Variants in PKIA observed in about 807,000 individuals in gnomAD.
PKIA encodes PKI-alpha.
A neutral mutation model predicts 7.6 loss-of-function variants in PKIA; 4 were observed. That is an observed-to-expected ratio of 0.52 (90% CI 0.26 to 1.20). PKIA has a LOEUF of 1.20. Among genes scored for constraint, PKIA ranks in the 50% most tolerant of loss-of-function variants. The probability of loss-of-function intolerance (pLI) is 0.13; values close to 1 mark genes in which losing one functional copy is unlikely to be tolerated. For synonymous variants in PKIA, 21 were observed against 30.7 expected, an observed-to-expected ratio of 0.68 and a Z score of 1.04; for missense variants, 73 against 86.2, an observed-to-expected ratio of 0.85 and a Z score of 0.61.
chr8:78,581,773 A>AT (rs1807814366), intron 2 of PKIA, among the ~76,000 whole-genome samples: 1 of 152,106 alleles, frequency 6.6e-6, no homozygotes, highest in African/African-American at 2.4e-5. Flanking sequence ...TCCTTTTGTT[A>AT]TTAAGGGCAT....
rs1182438586 is a variant in PKIA, at chr8:78,558,166, G to A, written c.-156-14645G>A. 2.0e-5 allele frequency among the ~76,000 whole-genome samples: 3 copies of A among 152,058 alleles called. No individual in the cohort carries two copies. In the East Asian group the frequency reaches 5.8e-4, roughly 29 times the overall value. On this transcript the variant is annotated intron_variant, in intron 1 of 3. Transcript: ENST00000396418. Reference sequence around the variant, plus strand: ...ATACCGCTTCTGGATCCAAACATTGGTTTAATTATTTATAATCTTTGCAGT... The same window carrying A: ...ATACCGCTTCTGGATCCAAACATTGATTTAATTATTTATAATCTTTGCAGT...
intron 1 of PKIA, among the ~76,000 whole-genome samples, chr8:78,562,067 C>A (rs1042718409): frequency 6.6e-6 from 1 of 152,086 alleles, no homozygotes; most frequent in African/African-American, 2.4e-5. Flanking sequence ...AACTATCTAC[C>A]CTTTTTCTAC....
At chr8:78,583,052 C>T (rs775398154) in intron 2 of PKIA, among the ~76,000 whole-genome samples, 18 of 152,104 alleles carry the variant, frequency 1.2e-4, no homozygotes, top group Admixed American at 2.6e-4. Flanking sequence ...GTCTACTGGC[C>T]TATACCTGGT....
At chr8:78,586,910 T>G (rs1393870921) in intron 2 of PKIA, among the ~76,000 whole-genome samples, 1 of 152,174 alleles carries the variant, frequency 6.6e-6, no homozygotes, top group Non-Finnish European at 1.5e-5. Context: ...GTTAAGAAAT[T>G]TAAATTATAT....
intron 1 of PKIA, among the ~76,000 whole-genome samples, chr8:78,540,622 C>A (rs1460893486): frequency 6.6e-6 from 1 of 152,056 alleles, no homozygotes; most frequent in East Asian, 1.9e-4. Flanking sequence ...TTCCTGTGAA[C>A]CGTTCCCCTT....
At chr8:78,585,079 T>C (rs1807915935) in intron 2 of PKIA, among the ~76,000 whole-genome samples, 1 of 152,016 alleles carries the variant, frequency 6.6e-6, no homozygotes, top group Non-Finnish European at 1.5e-5. Context: ...CCAAAATAAA[T>C]ACACATATTG....
In PKIA at chr8:78,578,368, C is replaced by T. The variant is rs779094306; in HGVS notation, c.-28+5429C>T. Among the ~76,000 whole-genome samples, 4 of 152,044 alleles carry T rather than the reference C, an allele frequency of 2.6e-5. No individual in the cohort carries two copies. In the East Asian group the frequency reaches 7.7e-4, roughly 29 times the overall value. On this transcript the variant is annotated intron_variant, in intron 2 of 3. Coordinates refer to ENST00000396418, the MANE Select transcript of PKIA (RefSeq NM_006823.4). ...AACTGTAATCATTCATCTTCACTTA[C>T]GGCATGCTGTAGCTGCAGTTGATAG... is the stretch of plus-strand genomic sequence containing the variant.
At chr8:78,569,193 C>G (rs1378274484) in intron 1 of PKIA, among the ~76,000 whole-genome samples, 1 of 152,100 alleles carries the variant, frequency 6.6e-6, no homozygotes, top group Non-Finnish European at 1.5e-5. Flanking sequence ...GGAACTAAGC[C>G]TCTACACACA....
chr8:78,593,347 T>C (rs529652842), intron 2 of PKIA, among the ~76,000 whole-genome samples: 37 of 152,294 alleles, frequency 2.4e-4, no homozygotes, highest in African/African-American at 7.7e-4. Context: ...GGTTTCGAAC[T>C]CCTGACCTCT....
At chr8:78,599,848 T>C (rs952689119) in intron 3 of PKIA, among the ~76,000 whole-genome samples, 3 of 151,704 alleles carry the variant, frequency 2.0e-5, no homozygotes, top group Admixed American at 2.0e-4. Context: ...TTATTCATAG[T>C]ACAATTTAAT....
At chr8:78,599,673 G>A (rs1243968423) in intron 3 of PKIA, among the ~76,000 whole-genome samples, 2 of 151,986 alleles carry the variant, frequency 1.3e-5, no homozygotes, top group Non-Finnish European at 2.9e-5. Flanking sequence ...TCCCAGAACA[G>A]CTCTGAGAAA....
chr8:78,520,512 C>G (rs779182194), intron 1 of PKIA, among the ~76,000 whole-genome samples: 156 of 152,234 alleles, frequency 1.0e-3, no homozygotes, highest in Middle Eastern at 6.8e-3. Context: ...GAATTTTACA[C>G]TAAGAAAACT....
At chr8:78,569,876 C>T (rs1807505844) in intron 1 of PKIA, among the ~76,000 whole-genome samples, 1 of 152,030 alleles carries the variant, frequency 6.6e-6, no homozygotes, top group African/African-American at 2.4e-5. Context: ...CTTTGTTGGG[C>T]AGGCTCAAGA....
chr8:78,576,715 A>G (rs757261437), intron 2 of PKIA, among the ~76,000 whole-genome samples: 1 of 152,010 alleles, frequency 6.6e-6, no homozygotes, highest in African/African-American at 2.4e-5. Flanking sequence ...ATGGACCTCT[A>G]CAGTCCCAGG....
chr8:78,535,525 T>A (rs1306875049), intron 1 of PKIA: 1 of 152,114 alleles, frequency 6.6e-6, no homozygotes, highest in African/African-American at 2.4e-5. Flanking sequence ...GTGGTTCACA[T>A]TTGACCAAAT....
At chr8:78,564,603 T>C (rs1807361645) in intron 1 of PKIA, among the ~76,000 whole-genome samples, 1 of 151,966 alleles carries the variant, frequency 6.6e-6, no homozygotes, top group Non-Finnish European at 1.5e-5. Context: ...AAAGTGGTCA[T>C]AGCTTTTTAC....
At chr8:78,558,924 T>C (rs1226706718) in intron 1 of PKIA, among the ~76,000 whole-genome samples, 2 of 152,154 alleles carry the variant, frequency 1.3e-5, no homozygotes, top group Non-Finnish European at 2.9e-5. Context: ...GGTTTGTTTG[T>C]TTGTTTGTTT....
At chr8:78,537,606 C>T (rs1806564969) in intron 1 of PKIA, among the ~76,000 whole-genome samples, 1 of 145,778 alleles carries the variant, frequency 6.9e-6, no homozygotes, top group Non-Finnish European at 1.5e-5. Flanking sequence ...CCACCGCCAA[C>T]AACTAGAGTG....
intron 1 of PKIA, among the ~76,000 whole-genome samples, chr8:78,555,704 G>A (rs1807115667): frequency 6.6e-6 from 1 of 151,960 alleles, no homozygotes; most frequent in South Asian, 2.1e-4. Flanking sequence ...GAAGAATTGA[G>A]TGTATAATTA....
Sources: allele counts gnomAD v4.1 joint callset (sites outside exome capture counted in the v4.1 genomes callset), GRCh38; gene constraint gnomAD v4.1.1; transcripts MANE v1.5; gene names NCBI Gene and HGNC (gene_info 2026-07-23, HGNC 2026-07-21).